Variants in DMBT1 observed in about 807,000 individuals in gnomAD.
The protein encoded by DMBT1 is deleted in malignant brain tumors 1, also known as scavenger receptor cysteine-rich domain-containing protein DMBT1.
Under a neutral mutation model 252.9 loss-of-function variants are expected in DMBT1, and 198 were observed. That is an observed-to-expected ratio of 0.78 (90% confidence interval 0.70 to 0.88). DMBT1 has a LOEUF of 0.88. Among genes scored for constraint, DMBT1 ranks in the 40% least tolerant of loss-of-function variants. The probability of loss-of-function intolerance (pLI) is 0.00; values close to 1 mark genes in which losing one functional copy is unlikely to be tolerated. For synonymous variants in DMBT1, 990 were observed against 942.7 expected, an observed-to-expected ratio of 1.05 and a Z score of -0.92; for missense variants, 2,432 against 2,404.7, an observed-to-expected ratio of 1.01 and a Z score of -0.24.
At chr10:122,626,085 C>A in intron 46 of DMBT1, 120 bp downstream of exon 46, 1 of 810,552 alleles carries the variant, frequency 1.2e-6, no homozygotes, top group Non-Finnish European at 2.2e-6. Flanking sequence ...ATAGCCCTGG[C>A]CTGTCCCACT....
intron 44 of DMBT1, among the ~76,000 whole-genome samples, chr10:122,623,131 A>G (rs2098086258): frequency 6.7e-6 from 1 of 148,516 alleles, no homozygotes. Flanking sequence ...TTTACTAAGA[A>G]TTGTGGTCAC....
intron 54 of DMBT1, among the ~76,000 whole-genome samples, chr10:122,639,235 T>A (rs998905051): frequency 1.3e-5 from 2 of 152,230 alleles, no homozygotes; most frequent in African/African-American, 4.8e-5. Context: ...ATGCAAATGA[T>A]CATGTTAATG....
intron 7 of DMBT1, 147 bp from the exon 8 acceptor site, chr10:122,577,664 G>A (rs2097724736): frequency 5.0e-6 from 4 of 796,564 alleles, no homozygotes; most frequent in East Asian, 2.7e-5. Context: ...GGGACCGAGG[G>A]CTTCACGGTG....
In DMBT1 at chr10:122,621,790, A is replaced by T. The variant is rs184317757; in HGVS notation, c.5608+410A>T. Among the ~76,000 whole-genome samples the T allele has an allele frequency of 2.0e-5, 3 of 152,330 alleles. No homozygotes were observed. The East Asian group carries it at 5.8e-4, about 29-fold the overall frequency. ...GGAAAGGACATATGTTGGGGTAGGG[A>T]ATTCTCACTTGAGGCCCCAGTAAGG... On this transcript the variant is annotated intron_variant, in intron 44 of 55. Transcript: ENST00000338354.
At chr10:122,561,236 C>T (rs928139724) in intron 1 of DMBT1, among the ~76,000 whole-genome samples, 3 of 152,182 alleles carry the variant, frequency 2.0e-5, no homozygotes, top group African/African-American at 7.2e-5. Context: ...CTGCAAATGC[C>T]CTTTATGTGG....
rs2097894246 is a variant in DMBT1 at position 122,597,541 on chromosome 10, G to A, written c.2918-433G>A. Among the ~76,000 whole-genome samples, 2 of 152,190 alleles carry A rather than the reference G, an allele frequency of 1.3e-5. 1 individual carries two copies. Among genetic ancestry groups the A allele is most frequent in the African/African-American group, 4.8e-5 (2 of 41,436 alleles). ...CAGGGCTACATGTGCATCCAGAAGA[G>A]GCATAGGCCATGCTCGGGCAGGGAG... On this transcript the variant is annotated intron_variant, in intron 24 of 55. Transcript: ENST00000338354.
chr10:122,563,984 G>A (rs975964042), intron 1 of DMBT1, among the ~76,000 whole-genome samples: 2 of 152,186 alleles, frequency 1.3e-5, no homozygotes, highest in African/African-American at 4.8e-5. Flanking sequence ...AGCAGGGATG[G>A]CATGTCAGAA....
At position 122,643,734 on chromosome 10, in the gene DMBT1, T is replaced by C. The variant is rs1038072687; in HGVS notation, c.*336T>C. 7 of 305,380 alleles carry C rather than the reference T, an allele frequency of 2.3e-5. No homozygotes were observed. The highest frequency in any genetic ancestry group is 4.3e-5 in the Non-Finnish European group (7 of 161,220). 18.9% of individuals were successfully genotyped at this position (305,380 alleles called of 1,614,324 possible). On this transcript the variant is annotated 3_prime_UTR_variant, in exon 56 of 56. Transcript: ENST00000338354. The stretch of plus-strand genomic sequence containing the variant: ...TTACATAAAGGAATTTTGGTGAAAC[T>C]GCCTCAGCCTGTTCCTGGTGCAAGT...
chr10:122,639,911 T>A (rs1362645181), intron 54 of DMBT1, 129 bp from the exon 55 acceptor site: 15 of 1,130,262 alleles, frequency 1.3e-5, no homozygotes, highest in Admixed American at 2.6e-5. Context: ...CATGGCCATC[T>A]CTGAGTGGTT....
intron 24 of DMBT1, among the ~76,000 whole-genome samples, 179 bp downstream of exon 24, chr10:122,597,233 G>C (rs1211430170): frequency 6.6e-6 from 1 of 151,696 alleles, no homozygotes; most frequent in East Asian, 1.9e-4. Context: ...GGTTCAAGAG[G>C]CTTCTGTCTT....
rs2098225642 is a variant in DMBT1, at chr10:122,636,196, A to G, written c.6754A>G (p.Thr2252Ala). ...EYYSSPSNDSTNLLCLPNHMQ... is the reference protein window; with the variant it reads ...EYYSSPSNDSANLLCLPNHMQ... The stretch of plus-strand genomic sequence containing the variant: ...CTACTCCAGTCCCTCCAATGACAGC[A>G]CCAGTAAGTCCCCTTGTGGAAATGC... The change falls in exon 53 of 56, where the codon ACC becomes GCC. Residue 2252 changes from threonine to alanine, a missense_variant. Thr to Ala is a moderately conservative substitution (Grantham distance 58, BLOSUM62 0). Coordinates refer to ENST00000338354, the MANE Select transcript of DMBT1 (RefSeq NM_001377530.1). The G allele has an allele frequency of 6.2e-7, 1 of 1,612,358 alleles. No homozygotes were observed. Among genetic ancestry groups the G allele is most frequent in the Non-Finnish European group, 8.5e-7 (1 of 1,178,710 alleles).
intron 44 of DMBT1, among the ~76,000 whole-genome samples, chr10:122,624,795 G>T (rs1169657551): frequency 6.6e-6 from 1 of 152,206 alleles, no homozygotes; most frequent in African/African-American, 2.4e-5. Context: ...CCGCACAATG[G>T]CTGGCTCTCC....
intron 6 of DMBT1, among the ~76,000 whole-genome samples, chr10:122,574,493 GGTC>G (rs1486944361): frequency 6.6e-6 from 1 of 152,152 alleles, no homozygotes; most frequent in Non-Finnish European, 1.5e-5. Context: ...CTGTTCCTCA[GGTC>G]GTCTTCTTTC....
intron 1 of DMBT1, among the ~76,000 whole-genome samples, chr10:122,561,769 C>T (rs2097548665): frequency 6.6e-6 from 1 of 151,506 alleles, no homozygotes; most frequent in Admixed American, 6.6e-5. Context: ...TCTCTCCCTG[C>T]CCCCCTCACT....
intron 51 of DMBT1, 130 bp downstream of exon 51, chr10:122,633,020 G>C: frequency 6.6e-7 from 1 of 1,525,806 alleles, no homozygotes; most frequent in South Asian, 1.2e-5. Context: ...AGAGTGCCCT[G>C]CCAGCCCTCA....
intron 9 of DMBT1, 68 bp from the exon 10 acceptor site, chr10:122,579,510 G>A: frequency 6.2e-7 from 1 of 1,608,642 alleles, no homozygotes; most frequent in Non-Finnish European, 8.5e-7. Context: ...TACCCTGAGT[G>A]TGGAACTTAC....
In DMBT1 at chr10:122,586,701, T is replaced by G. The variant is rs1181945960; in HGVS notation, c.1783+318T>G. 2.0e-5 allele frequency among the ~76,000 whole-genome samples: 3 copies of G among 148,284 alleles called. 1 individual carries two copies. Among genetic ancestry groups the G allele is most frequent in the Non-Finnish European group, 4.5e-5 (3 of 66,666 alleles). ...TGGAAAGGAATAGCTGGGGCCAGGT[T>G]GTTCATGAAGATAGAGGTTGATTTG... On this transcript the variant is annotated intron_variant, in intron 16 of 55. Coordinates refer to ENST00000338354, the MANE Select transcript of DMBT1 (RefSeq NM_001377530.1).
chr10:122,622,566 G>C (rs1430857572), intron 44 of DMBT1, among the ~76,000 whole-genome samples: 1 of 152,174 alleles, frequency 6.6e-6, no homozygotes, highest in East Asian at 1.9e-4. Flanking sequence ...GACAGCAGTG[G>C]GCAGCCCCAA....
chr10:122,625,350 C>T, intron 45 of DMBT1, 47 bp downstream of exon 45: 1 of 1,567,858 alleles, frequency 6.4e-7, no homozygotes, highest in Non-Finnish European at 8.8e-7. Flanking sequence ...TTGGGAATTC[C>T]ACCCTCTCTT....
Sources: allele counts gnomAD v4.1 joint callset (sites outside exome capture counted in the v4.1 genomes callset), GRCh38; gene constraint gnomAD v4.1.1; transcripts MANE v1.5; gene names NCBI Gene and HGNC (gene_info 2026-07-23, HGNC 2026-07-21).